RALB: variants seen among roughly 807,000 people sequenced by gnomAD.
RALB encodes the protein ras-related protein Ral-B.
A neutral mutation model predicts 21.3 loss-of-function variants in RALB; 16 were observed. The ratio of observed to expected loss-of-function variants is 0.75; its 90% confidence interval spans 0.51 to 1.14. The LOEUF (loss-of-function observed/expected upper bound fraction) is 1.14, where lower values mean the gene tolerates loss of function less well. RALB is among the 50% of genes most tolerant of loss of function. The probability of loss-of-function intolerance (pLI) is 0.00; values close to 1 mark genes in which losing one functional copy is unlikely to be tolerated. For missense variants in RALB, 161 were observed against 256.2 expected (o/e 0.63, Z 2.54); for synonymous variants, 93 against 96.1 (o/e 0.97, Z 0.19).
chr2:120,283,150 G>A (rs1013532806), intron 2 of RALB, among the ~76,000 whole-genome samples: 6 of 152,234 alleles, frequency 3.9e-5, no homozygotes, highest in African/African-American at 1.4e-4. Flanking sequence ...ATCTAGTCAG[G>A]AAATTGAGCT....
intron 1 of RALB, among the ~76,000 whole-genome samples, chr2:120,274,959 C>T (rs959979858): frequency 6.6e-6 from 1 of 152,168 alleles, no homozygotes; most frequent in Admixed American, 6.5e-5. Context: ...GTGAGACTCC[C>T]GAACACTCAT....
At chr2:120,245,806 A>T (rs1015761628) in intron 1 of RALB, among the ~76,000 whole-genome samples, 2 of 152,196 alleles carry the variant, frequency 1.3e-5, no homozygotes, top group Admixed American at 6.5e-5. Context: ...GGGACCTGCC[A>T]GAGATGCTGC....
chr2:120,243,588 G>A (rs916746444), intron 1 of RALB, among the ~76,000 whole-genome samples: 3 of 152,148 alleles, frequency 2.0e-5, no homozygotes, highest in African/African-American at 7.2e-5. Flanking sequence ...GCTGTGTCTT[G>A]GGCCTGCCAC....
rs1238673316 is a variant in RALB at position 120,294,215 on chromosome 2, A to T, written c.*955A>T. 2.5e-6 allele frequency: 1 copy of T among 398,480 alleles called. No homozygotes were observed. Among genetic ancestry groups the T allele is most frequent in the East Asian group, 3.6e-5 (1 of 28,080 alleles). 24.7% of individuals were successfully genotyped at this position (398,480 alleles called of 1,614,324 possible). A position where few individuals can be genotyped will look rare whatever the true frequency, so the allele number is the denominator to read the frequency against. On this transcript the variant is annotated 3_prime_UTR_variant, in exon 5 of 5. Transcript: ENST00000272519. The stretch of plus-strand genomic sequence containing the variant: ...ACTCTTCCCAAAGACGTGATGAGTT[A>T]AAGTTGTATTCTGAAATCATGAAGC...
rs1056994627 is a variant in RALB, at chr2:120,255,973, G to A, written c.-48+2993G>A. ...AGGAAATATAGTAGTTTGGTCCTGCGTGCCTGGCTGCCTGTAAAGTTTGCC... is the reference window on the plus strand; with the variant it reads ...AGGAAATATAGTAGTTTGGTCCTGCATGCCTGGCTGCCTGTAAAGTTTGCC... On this transcript the variant is annotated intron_variant, in intron 1 of 4. Transcript: ENST00000272519. Among the ~76,000 whole-genome samples the A allele has an allele frequency of 4.0e-5, 6 of 151,720 alleles. 1 individual carries two copies. The highest frequency in any genetic ancestry group is 1.5e-4 in the African/African-American group (6 of 41,198).
chr2:120,270,523 A>C (rs1689636150), intron 1 of RALB, among the ~76,000 whole-genome samples: 1 of 152,256 alleles, frequency 6.6e-6, no homozygotes, highest in Non-Finnish European at 1.5e-5. Flanking sequence ...AAAAATGCAG[A>C]AACATAGAAC....
chr2:120,266,559 A>T (rs1241383835), intron 1 of RALB, among the ~76,000 whole-genome samples: 1 of 151,996 alleles, frequency 6.6e-6, no homozygotes, highest in African/African-American at 2.4e-5. Flanking sequence ...AATTTTTTTT[A>T]AATTAGGTGG....
Position 120,285,958 on chromosome 2 carries a change from C to T in RALB, c.199C>T (p.Leu67=), listed in dbSNP as rs1003195816. ...LDGEEVQIDI[L]DTAGQEDYAA... is the part of the protein sequence containing the mutation. ...TGGGGAAGAAGTTCAGATAGATATT[C>T]TGGACACCGCTGGGCAAGAGGACTA... The change falls in exon 3 of 5, where the codon CTG becomes TTG. Residue 67 remains leucine (L), a synonymous_variant. Coordinates refer to ENST00000272519, the MANE Select transcript of RALB (RefSeq NM_002881.3). The T allele has an allele frequency of 6.2e-6, 10 of 1,614,016 alleles. No individual in the cohort carries two copies. Among genetic ancestry groups the T allele is most frequent in the Non-Finnish European group, 8.5e-6 (10 of 1,179,942 alleles).
chr2:120,259,348 G>T (rs1345762641), intron 1 of RALB, among the ~76,000 whole-genome samples: 1 of 152,194 alleles, frequency 6.6e-6, no homozygotes, highest in Non-Finnish European at 1.5e-5. Flanking sequence ...CCCTGAGCTA[G>T]ATACAAAGGT....
intron 1 of RALB, among the ~76,000 whole-genome samples, chr2:120,268,744 A>T (rs1274481884): frequency 2.6e-5 from 4 of 152,246 alleles, no homozygotes; most frequent in African/African-American, 9.6e-5. Flanking sequence ...AGGCAAAATA[A>T]GGAGTATGTG....
intron 1 of RALB, chr2:120,253,221 C>A: frequency 3.0e-6 from 1 of 338,546 alleles, no homozygotes; most frequent in Non-Finnish European, 4.2e-6. Flanking sequence ...GAAGTGGGGG[C>A]GGCCTCCGCC....
intron 1 of RALB, among the ~76,000 whole-genome samples, chr2:120,267,998 G>A (rs1039728848): frequency 7.2e-5 from 11 of 152,078 alleles, no homozygotes; most frequent in Admixed American, 6.6e-4. Context: ...CACCATGTGG[G>A]CCGGGATGGT....
chr2:120,291,158 A>G (rs1275539647), intron 4 of RALB, among the ~76,000 whole-genome samples: 1 of 152,246 alleles, frequency 6.6e-6, no homozygotes, highest in Non-Finnish European at 1.5e-5. Flanking sequence ...CACTTCGGCA[A>G]GATACATCTA....
chr2:120,276,630 A>G (rs1205559864), intron 1 of RALB, among the ~76,000 whole-genome samples: 1 of 151,794 alleles, frequency 6.6e-6, no homozygotes, highest in African/African-American at 2.4e-5. Flanking sequence ...AAAAGGAGGA[A>G]GTTCTGCCGA....
chr2:120,253,557 C>A (rs952771086), intron 1 of RALB: 48 of 985,608 alleles, frequency 4.9e-5, no homozygotes, highest in Non-Finnish European at 5.4e-5. Flanking sequence ...AGGGGAAGCG[C>A]CTGGACTGGG....
chr2:120,247,676 G>T (rs1292163720), intron 1 of RALB, among the ~76,000 whole-genome samples: 2 of 152,222 alleles, frequency 1.3e-5, no homozygotes, highest in Non-Finnish European at 2.9e-5. Flanking sequence ...ATCAGTAAAG[G>T]GCAAGAGCTT....
At chr2:120,258,433 C>T (rs139048643) in intron 1 of RALB, among the ~76,000 whole-genome samples, 12 of 152,260 alleles carry the variant, frequency 7.9e-5, no homozygotes, top group Admixed American at 2.0e-4. Flanking sequence ...GGTAGGAAAG[C>T]GCTTGGCACA....
chr2:120,252,695 C>A, upstream of RALB: 1 of 846,854 alleles, frequency 1.2e-6, no homozygotes, highest in Non-Finnish European at 1.4e-6. Context: ...GGTGAAACCT[C>A]CTCCCCGGCC....
chr2:120,283,514 C>T (rs895882008), intron 2 of RALB, among the ~76,000 whole-genome samples: 13 of 152,178 alleles, frequency 8.5e-5, no homozygotes, highest in African/African-American at 2.9e-4. Flanking sequence ...GAGCCATAGT[C>T]CCAGAGTCTT....
Sources: gnomAD v4.1 joint callset for allele counts (sites outside exome capture counted in the v4.1 genomes callset) on GRCh38, gnomAD v4.1.1 for gene constraint, MANE v1.5 for transcripts, NCBI Gene and HGNC (gene_info 2026-07-23, HGNC 2026-07-21) for gene names.